Variants in AKAP10 observed in about 807,000 individuals in gnomAD.
The protein encoded by AKAP10 is A-kinase anchoring protein 10.
Under a neutral mutation model 80.8 loss-of-function variants are expected in AKAP10, and 24 were observed. The observed-to-expected ratio is 0.30, with a 90% confidence interval of 0.22 to 0.42. The LOEUF (loss-of-function observed/expected upper bound fraction) is 0.42. AKAP10 is among the 10% of genes least tolerant of loss of function. The pLI is 1.00. For missense variants in AKAP10, 661 were observed against 794.9 expected, an observed-to-expected ratio of 0.83 and a Z score of 2.03; for synonymous variants, 291 against 277.7, an observed-to-expected ratio of 1.05 and a Z score of -0.48.
intron 12 of AKAP10, among the ~76,000 whole-genome samples, chr17:19,919,554 C>T (rs934778943): frequency 1.3e-5 from 2 of 151,534 alleles, no homozygotes; most frequent in African/African-American, 2.4e-5. Context: ...TGTGGTGGTG[C>T]GCACTTGTAG....
intron 10 of AKAP10, among the ~76,000 whole-genome samples, chr17:19,927,282 T>C (rs1009529691): frequency 6.6e-6 from 1 of 152,060 alleles, no homozygotes; most frequent in African/African-American, 2.4e-5. Context: ...GGCAGTGAGC[T>C]GTGATTGTGC....
chr17:19,960,064 T>C (rs746603411), intron 3 of AKAP10, among the ~76,000 whole-genome samples: 8 of 152,072 alleles, frequency 5.3e-5, no homozygotes, highest in Non-Finnish European at 8.8e-5. Context: ...CTGGGGAACA[T>C]AGTGAAACCC....
chr17:19,945,447 T>A (rs1296781425), intron 5 of AKAP10, among the ~76,000 whole-genome samples: 1 of 152,038 alleles, frequency 6.6e-6, no homozygotes, highest in South Asian at 2.1e-4. Context: ...AGTAGCAAAT[T>A]CCCACATAAA....
chr17:19,962,408 A>C (rs2043363694), intron 3 of AKAP10, among the ~76,000 whole-genome samples: 1 of 152,046 alleles, frequency 6.6e-6, no homozygotes, highest in Non-Finnish European at 1.5e-5. Context: ...TTTTATACTG[A>C]TTTCCAAATT....
At chr17:19,941,630 G>A (rs2043051437) in intron 6 of AKAP10, among the ~76,000 whole-genome samples, 196 bp downstream of exon 6, 1 of 152,054 alleles carries the variant, frequency 6.6e-6, no homozygotes, top group South Asian at 2.1e-4. Flanking sequence ...AAATGAAAAT[G>A]AAAATTTTAA....
intron 3 of AKAP10, among the ~76,000 whole-genome samples, chr17:19,961,108 T>C (rs1308661952): frequency 6.7e-6 from 1 of 148,954 alleles, no homozygotes; most frequent in Non-Finnish European, 1.5e-5. Context: ...TTGGGAGGCC[T>C]ACGCAAGTGG....
intron 12 of AKAP10, among the ~76,000 whole-genome samples, chr17:19,916,287 TTGTC>T (rs905579722): frequency 4.6e-5 from 7 of 152,318 alleles, no homozygotes; most frequent in African/African-American, 1.4e-4. Flanking sequence ...CTACATTTGT[TTGTC>T]TGTTACTGTC....
chr17:19,911,800 A>C (rs868198921), intron 12 of AKAP10, among the ~76,000 whole-genome samples: 10 of 125,130 alleles, frequency 8.0e-5, no homozygotes, highest in Admixed American at 1.1e-4. Flanking sequence ...ACGCCATTGC[A>C]CTCCAGCCTC....
chr17:19,917,705 TG>T (rs895689641), intron 12 of AKAP10, among the ~76,000 whole-genome samples: 1 of 151,958 alleles, frequency 6.6e-6, no homozygotes, highest in African/African-American at 2.4e-5. Context: ...GAGGCCAAGG[TG>T]GGCGGATCAC....
chr17:19,975,033 T>C (rs2043547624), intron 1 of AKAP10, among the ~76,000 whole-genome samples: 1 of 152,228 alleles, frequency 6.6e-6, no homozygotes, highest in East Asian at 1.9e-4. Flanking sequence ...ATATTCTTTC[T>C]GTATTTTGTT....
rs547191721 is a variant in AKAP10 at position 19,937,975 on chromosome 17, CTTTTT to C, written c.1323-1550_1323-1546del. ...TTTCTGAGACAGGGGGACTGGAAAC[CTTTTT>C]TTTTTTTTTTTTTTTGAGATGCAGT... On this transcript the variant is annotated intron_variant, in intron 8 of 14. Coordinates refer to ENST00000225737, the MANE Select transcript of AKAP10 (RefSeq NM_007202.4). Among the ~76,000 whole-genome samples the C allele has an allele frequency of 6.2e-5, 8 of 129,182 alleles. No individual in the cohort carries two copies. The South Asian group carries it at 1.2e-3, about 20-fold the overall frequency. 84.7% of individuals were successfully genotyped at this position (129,182 alleles called of 152,430 possible).
chr17:19,946,268 TATA>T (rs2043126092), intron 5 of AKAP10, among the ~76,000 whole-genome samples: 7 of 31,704 alleles, frequency 2.2e-4, no homozygotes, highest in South Asian at 9.8e-4. Context: ...TATATATATA[TATA>T]TATATTTTTT....
chr17:19,966,724 T>C (rs2043424431), intron 2 of AKAP10, among the ~76,000 whole-genome samples: 1 of 152,138 alleles, frequency 6.6e-6, no homozygotes, highest in African/African-American at 2.4e-5. Flanking sequence ...AAATGAAGAA[T>C]CTGAAGAAAG....
At chr17:19,950,874 G>A (rs1046412217) in intron 4 of AKAP10, among the ~76,000 whole-genome samples, 4 of 151,792 alleles carry the variant, frequency 2.6e-5, no homozygotes, top group African/African-American at 9.7e-5. Flanking sequence ...GAGTGTCTCT[G>A]CCCGGCAGCC....
At chr17:19,932,128 A>G (rs1597500221) in intron 9 of AKAP10, 150 bp from the exon 10 acceptor site, 2 of 782,452 alleles carry the variant, frequency 2.6e-6, no homozygotes, top group African/African-American at 3.5e-5. Flanking sequence ...TACAAGTATT[A>G]TCCCTTTGTA....
rs148992648 is a variant in AKAP10 at position 19,965,084 on chromosome 17, G to A, written c.137-2062C>T. Reference sequence around the variant, plus strand: ...TTTGGTCTTGTATCACTGATTACTCGCTACTAAGCATTCCCACCCACATTG... The same window carrying A: ...TTTGGTCTTGTATCACTGATTACTCACTACTAAGCATTCCCACCCACATTG... On this transcript the variant is annotated intron_variant, in intron 2 of 14. Coordinates refer to ENST00000225737, the MANE Select transcript of AKAP10 (RefSeq NM_007202.4). 2.7e-3 allele frequency among the ~76,000 whole-genome samples: 404 copies of A among 152,176 alleles called. 1 individual carries two copies. The highest frequency in any genetic ancestry group is 9.2e-3 in the African/African-American group (380 of 41,526).
Position 19,931,952 on chromosome 17 carries a change from G to A in AKAP10, c.1494C>T (p.Ser498=). 1.2e-6 allele frequency: 2 copies of A among 1,613,124 alleles called. No homozygotes were observed. Among genetic ancestry groups the A allele is most frequent in the Non-Finnish European group, 1.7e-6 (2 of 1,179,722 alleles). Residue 498 remains serine, a synonymous_variant, in exon 10 of 15, where the codon AGC becomes AGT. Coordinates refer to ENST00000225737, the MANE Select transcript of AKAP10 (RefSeq NM_007202.4). ...EKVFLPGFLS[S]NLYYKYLNDL... The stretch of plus-strand genomic sequence containing the variant: ...CATTCAAATATTTATAATAAAGATT[G>A]CTGGACAAAAAGCCAGGCAAAAAGA...
intron 3 of AKAP10, among the ~76,000 whole-genome samples, chr17:19,958,842 C>CTTTTTTTT (rs772496178): frequency 1.1e-5 from 1 of 92,936 alleles, no homozygotes; most frequent in Non-Finnish European, 2.4e-5. Context: ...CATGTAAATT[C>CTTTTTTTT]TTTTTTTTTT....
rs772926209 is a variant in AKAP10, at chr17:19,905,718, C to T, written c.*509G>A. 2.6e-5 allele frequency: 4 copies of T among 152,986 alleles called. No individual in the cohort carries two copies. The highest frequency in any genetic ancestry group is 4.8e-5 in the African/African-American group (2 of 41,306). 9.5% of individuals were successfully genotyped at this position (152,986 alleles called of 1,614,324 possible). A position where few individuals can be genotyped will look rare whatever the true frequency, so the allele number is the denominator to read the frequency against. On this transcript the variant is annotated 3_prime_UTR_variant, in exon 15 of 15. Transcript: ENST00000225737. ...TGCATAATTAACTCTCACCCTGTTC[C>T]GCTGAAGCTGCTAGCACCACGCTGC...
Sources: gnomAD v4.1 joint callset for allele counts (sites outside exome capture counted in the v4.1 genomes callset) on GRCh38, gnomAD v4.1.1 for gene constraint, MANE v1.5 for transcripts, NCBI Gene and HGNC (gene_info 2026-07-23, HGNC 2026-07-21) for gene names.